Variants in RFESD observed in about 807,000 individuals in gnomAD.
RFESD encodes the protein Rieske domain-containing protein.
Under a neutral mutation model 24.4 loss-of-function variants are expected in RFESD, and 16 were observed. The ratio of observed to expected loss-of-function variants is 0.66; its 90% CI spans 0.44 to 1.00. RFESD has a LOEUF of 1.00. RFESD is among the 50% of genes least tolerant of loss of function. The probability of loss-of-function intolerance (pLI) is 0.00; values close to 1 mark genes in which losing one functional copy is unlikely to be tolerated. For synonymous variants in RFESD, 59 were observed against 81.8 expected (o/e 0.72, Z 1.50); for missense variants, 208 against 247.0 (o/e 0.84, Z 1.06).
chr5:95,647,066 G>A (rs1391576871), intron 1 of RFESD: 1 of 152,262 alleles, frequency 6.6e-6, no homozygotes, highest in East Asian at 1.9e-4. Context: ...CCTAAGGGGG[G>A]TACGCGGGTC....
intron 5 of RFESD, 32 bp from the exon 6 acceptor site, chr5:95,656,014 C>G: frequency 6.3e-7 from 1 of 1,597,632 alleles, no homozygotes; most frequent in Non-Finnish European, 8.5e-7. Flanking sequence ...TTTGACATGT[C>G]AGAATATTAA....
intron 3 of RFESD, among the ~76,000 whole-genome samples, chr5:95,653,689 A>G (rs1347502650): frequency 1.3e-5 from 2 of 152,176 alleles, no homozygotes; most frequent in Admixed American, 6.5e-5. Context: ...ACTTGAGGTC[A>G]GGAGTTTGAG....
chr5:95,647,824 G>A (rs1750168678), intron 1 of RFESD: 1 of 152,032 alleles, frequency 6.6e-6, no homozygotes, highest in Non-Finnish European at 1.5e-5. Flanking sequence ...CTACCCGTTG[G>A]CGGTTTTGTG....
At position 95,656,319 on chromosome 5, in the gene RFESD, T is replaced by C; in HGVS notation, c.*10T>C. 1 of 1,587,566 alleles carries C rather than the reference T, an allele frequency of 6.3e-7. No homozygotes were observed. The highest frequency in any genetic ancestry group is 8.6e-7 in the Non-Finnish European group (1 of 1,164,128). ...TAAGAGTTCTTCCTGATAAAAAATA[T>C]ATAGAAATGAAAAATGTTGTGTATG... On this transcript the variant is annotated 3_prime_UTR_variant, in exon 6 of 6. Transcript: ENST00000380005.
chr5:95,657,208 G>A lies in RFESD; in HGVS notation c.*899G>A, dbSNP rs1750814096. 1 of 151,946 alleles carries A rather than the reference G, an allele frequency of 6.6e-6. No homozygotes were observed. Among genetic ancestry groups the A allele is most frequent in the Admixed American group, 6.6e-5 (1 of 15,248 alleles). 9.4% of individuals were successfully genotyped at this position (151,946 alleles called of 1,614,324 possible). On this transcript the variant is annotated 3_prime_UTR_variant, in exon 6 of 6. Coordinates refer to ENST00000380005, the MANE Select transcript of RFESD (RefSeq NM_001131066.2). ...TAAATATTATAGAGAGGAGATCTAG[G>A]GTTTTGTTCCTTGGAGTTCCCGAGC...
At chr5:95,655,717 A>G (rs1160034512) in intron 5 of RFESD, among the ~76,000 whole-genome samples, 5 of 152,210 alleles carry the variant, frequency 3.3e-5, no homozygotes, top group East Asian at 1.9e-4. Flanking sequence ...GAAAATTCCT[A>G]TAGAAGCACT....
At chr5:95,648,446 A>C (rs1282791445) in intron 1 of RFESD, among the ~76,000 whole-genome samples, 1 of 152,198 alleles carries the variant, frequency 6.6e-6, no homozygotes, top group African/African-American at 2.4e-5. Flanking sequence ...TGAATAGTTC[A>C]TCAAAATAAC....
chr5:95,654,029 T>A, intron 3 of RFESD, 32 bp from the exon 4 acceptor site: 1 of 1,590,552 alleles, frequency 6.3e-7, no homozygotes, highest in African/African-American at 1.3e-5. Flanking sequence ...AGTGAATACT[T>A]CTTGTAACTT....
intron 1 of RFESD, among the ~76,000 whole-genome samples, chr5:95,651,606 C>T (rs986707984): frequency 6.6e-6 from 1 of 152,076 alleles, no homozygotes; most frequent in Non-Finnish European, 1.5e-5. Flanking sequence ...CAGTATGTTG[C>T]CTAGGCTGGT....
intron 1 of RFESD, among the ~76,000 whole-genome samples, chr5:95,651,095 C>G (rs1750310573): frequency 1.0e-5 from 1 of 99,000 alleles, no homozygotes; most frequent in African/African-American, 4.8e-5. Flanking sequence ...GAGACTCCGT[C>G]TCAAAAAAAA....
chr5:95,652,954 T>C, intron 2 of RFESD, 163 bp from the exon 3 acceptor site: 1 of 914,182 alleles, frequency 1.1e-6, no homozygotes, highest in Non-Finnish European at 1.6e-6. Context: ...TGCTTTATAC[T>C]CTTCAGTGGC....
At chr5:95,651,429 C>T (rs1020378927) in intron 1 of RFESD, among the ~76,000 whole-genome samples, 1 of 152,170 alleles carries the variant, frequency 6.6e-6, no homozygotes. Flanking sequence ...GGGTCTCACT[C>T]TGTTGCCCAG....
chr5:95,656,247 T>G lies in RFESD; in HGVS notation c.571T>G (p.Phe191Val). The G allele has an allele frequency of 6.2e-7, 1 of 1,613,478 alleles. No individual in the cohort carries two copies. The highest frequency in any genetic ancestry group is 2.2e-5 in the East Asian group (1 of 44,870). The change falls in exon 6 of 6, where the codon TTT becomes GTT. Residue 191 changes from phenylalanine to valine, a missense_variant. Transcript: ENST00000380005. ...TTATGTGACTCTTTCTAATGAACCT[T>G]TTAAGTGTGACTCTGATTTTTATGC... ...NIYVTLSNEP[F>V]KCDSDFYATG...
chr5:95,652,228 A>C lies in RFESD; in HGVS notation c.-44A>C, dbSNP rs1055474381. On this transcript the variant is annotated 5_prime_UTR_variant, in exon 2 of 6. Transcript: ENST00000380005. ...TGATTAGCAATAGATTGGACACTCT[A>C]CTGATCTTGCCTCTCTACAACCTCT... 2.6e-6 allele frequency: 4 copies of C among 1,539,098 alleles called. No homozygotes were observed. Among genetic ancestry groups the C allele is most frequent in the Non-Finnish European group, 3.5e-6 (4 of 1,139,110 alleles).
chr5:95,650,110 C>A (rs1465311194), intron 1 of RFESD, among the ~76,000 whole-genome samples: 2 of 152,072 alleles, frequency 1.3e-5, no homozygotes, highest in Admixed American at 6.6e-5. Flanking sequence ...CATAGCTAAC[C>A]CAGAAAATCA....
At chr5:95,654,654 C>T (rs1032777873) in intron 5 of RFESD, among the ~76,000 whole-genome samples, 2 of 151,946 alleles carry the variant, frequency 1.3e-5, no homozygotes, top group African/African-American at 4.8e-5. Flanking sequence ...TTTTAACAAT[C>T]GGAAACTGGT....
At position 95,655,998 on chromosome 5, in the gene RFESD, A is replaced by G. The variant is rs372849435; in HGVS notation, c.370-48A>G. The G allele has an allele frequency of 5.1e-6, 8 of 1,573,840 alleles. No individual in the cohort carries two copies. In the African/African-American group the frequency reaches 9.5e-5, roughly 19 times the overall value. On this transcript the variant is annotated intron_variant, in intron 5 of 5. Coordinates refer to ENST00000380005, the MANE Select transcript of RFESD (RefSeq NM_001131066.2). ...GCAGCAGACTCTTCAGAGTCTATCA[A>G]GAACATTTGACATGTCAGAATATTA...
intron 3 of RFESD, 55 bp from the exon 4 acceptor site, chr5:95,654,006 C>T: frequency 6.7e-7 from 1 of 1,499,720 alleles, no homozygotes; most frequent in South Asian, 1.2e-5. Context: ...CTCCATTAAG[C>T]TGGAACCAAA....
chr5:95,656,157 C>A lies in RFESD; in HGVS notation c.481C>A (p.Pro161Thr), dbSNP rs868122292. 4 of 1,613,874 alleles carry A rather than the reference C, an allele frequency of 2.5e-6. No homozygotes were observed. Among genetic ancestry groups the A allele is most frequent in the Middle Eastern group, 1.6e-4 (1 of 6,080 alleles). The change falls in exon 6 of 6, where the codon CCC becomes ACC. Residue 161 changes from proline to threonine, a missense_variant. Physicochemically the swap from Pro to Thr is conservative, Grantham distance 38. Coordinates refer to ENST00000380005, the MANE Select transcript of RFESD (RefSeq NM_001131066.2). Reference protein sequence around the residue: ...SINPKDPSAKPKWCSKGIKQR... With the variant: ...SINPKDPSAKTKWCSKGIKQR... ...AAACCCTAAAGATCCATCAGCAAAA[C>A]CCAAGTGGTGCTCCAAAGGAATAAA... is the stretch of plus-strand genomic sequence containing the variant.
Sources: gnomAD v4.1 joint callset for allele counts (sites outside exome capture counted in the v4.1 genomes callset) on GRCh38, gnomAD v4.1.1 for gene constraint, MANE v1.5 for transcripts, NCBI Gene and HGNC (gene_info 2026-07-23, HGNC 2026-07-21) for gene names.